The following ZAN variants were observed in gnomAD, a reference collection of about 807,000 sequenced individuals.
ZAN encodes zonadhesin.
Under a neutral mutation model 286.2 loss-of-function variants are expected in ZAN, and 260 were observed. That is an observed-to-expected ratio of 0.91 (90% confidence interval 0.82 to 1.01). The LOEUF is 1.01. ZAN is among the 50% of genes least tolerant of loss of function. The pLI is 0.00. For missense variants in ZAN, 3,410 were observed against 3,639.2 expected (o/e 0.94, Z 1.62); for synonymous variants, 1,368 against 1,417.5 (o/e 0.97, Z 0.79).
intron 17 of ZAN, 43 bp downstream of exon 17, chr7:100,758,693 T>C: frequency 1.9e-6 from 3 of 1,543,166 alleles, no homozygotes; most frequent in Middle Eastern, 1.7e-4. Context: ...GGAGGGTCTG[T>C]GGGCAGCGCT....
Position 100,795,275 on chromosome 7 carries a change from AG to A in ZAN, c.8206del (p.Val2736LeufsTer42), listed in dbSNP as rs779986999. 20 of 1,611,658 alleles carry A rather than the reference AG, an allele frequency of 1.2e-5. No homozygotes were observed. In the African/African-American group the frequency reaches 1.6e-4, roughly 13 times the overall value. ...QGATFTCECE[V>X]GYGGGLCMEP... The stretch of plus-strand genomic sequence containing the variant: ...GAGCCACCTTCACCTGCGAGTGTGA[AG>A]TTGGTTACGGGGGAGGCCTGTGTAT... On this transcript the variant is annotated frameshift_variant, in exon 45 of 48. Transcript: ENST00000613979. LOFTEE classifies it high-confidence loss of function.
In ZAN at chr7:100,775,411, C is replaced by A. The variant is rs1197584223; in HGVS notation, c.5863C>A (p.Leu1955Ile). The A allele has an allele frequency of 6.2e-7, 1 of 1,613,868 alleles. No individual in the cohort carries two copies. The highest frequency in any genetic ancestry group is 1.3e-5 in the African/African-American group (1 of 74,934). Residue 1955 changes from leucine (L) to isoleucine (I), a missense_variant, in exon 32 of 48, where the codon CTT becomes ATT. Physicochemically the swap from Leu to Ile is conservative, Grantham distance 5. Around this residue, in one of 7 missense-constraint regions of ZAN, gnomAD observed 1,289 missense variants for 1,314.3 expected, o/e 0.98. Transcript: ENST00000613979. ...CCATTCTATCCCGGACGCCTGCACT[C>A]TTGTCCTGGTGAAAGTGTGCCACCC... ...SNHSIPDACTLVLVKVCHPAM... is the reference protein window; with the variant it reads ...SNHSIPDACTIVLVKVCHPAM...
intron 29 of ZAN, among the ~76,000 whole-genome samples, chr7:100,772,657 C>T (rs1274019479): frequency 2.0e-5 from 3 of 151,110 alleles, no homozygotes; most frequent in African/African-American, 7.3e-5. Context: ...CCGTCTCTAC[C>T]AAAAATACAA....
intron 19 of ZAN, among the ~76,000 whole-genome samples, chr7:100,761,678 G>A (rs1486033915): frequency 6.6e-6 from 1 of 151,858 alleles, no homozygotes; most frequent in Non-Finnish European, 1.5e-5. Flanking sequence ...CAGGCACGGT[G>A]GCTGACACCT....
intron 15 of ZAN, among the ~76,000 whole-genome samples, chr7:100,757,307 C>T (rs1035162547): frequency 6.6e-6 from 1 of 152,016 alleles, no homozygotes; most frequent in Admixed American, 6.6e-5. Context: ...GTACTTTCTA[C>T]TCTGCTGGCA....
At chr7:100,784,871 A>T in intron 36 of ZAN, 37 bp downstream of exon 36, 1 of 1,534,124 alleles carries the variant, frequency 6.5e-7, no homozygotes, top group Non-Finnish European at 8.8e-7. Context: ...GAGGCAACAC[A>T]GCTTGAGGGC....
In ZAN at chr7:100,740,416, T is replaced by A. The variant is rs1235232878; in HGVS notation, c.766+1803T>A. 1.0e-4 allele frequency among the ~76,000 whole-genome samples: 9 copies of A among 86,108 alleles called. 1 individual carries two copies. The highest frequency in any genetic ancestry group is 1.9e-4 in the Non-Finnish European group (8 of 41,986). 56.5% of individuals were successfully genotyped at this position (86,108 alleles called of 152,430 possible). A position where few individuals can be genotyped will look rare whatever the true frequency, so the allele number is the denominator to read the frequency against. On this transcript the variant is annotated intron_variant, in intron 7 of 47. Coordinates refer to ENST00000613979, the MANE Select transcript of ZAN (RefSeq NM_003386.3). The stretch of plus-strand genomic sequence containing the variant: ...CAGCAGATAAACAAGTGAACAAAGG[T>A]CTCTGGTTTTCCTAGGCAGAGGACC...
At chr7:100,789,567 C>T (rs990891506) in intron 39 of ZAN, among the ~76,000 whole-genome samples, 3 of 152,032 alleles carry the variant, frequency 2.0e-5, no homozygotes, top group African/African-American at 4.8e-5. Context: ...CCCAGCGCTC[C>T]GGGAAGCTGA....
intron 14 of ZAN, 78 bp from the exon 15 acceptor site, chr7:100,755,148 T>G (rs1809049216): frequency 1.1e-5 from 17 of 1,481,368 alleles, no homozygotes; most frequent in Non-Finnish European, 1.5e-5. Flanking sequence ...AACTTGAGTT[T>G]GGGGGTAGAG....
intron 7 of ZAN, among the ~76,000 whole-genome samples, chr7:100,739,404 C>T (rs1807586543): frequency 7.2e-6 from 1 of 138,434 alleles, no homozygotes; most frequent in African/African-American, 2.6e-5. Flanking sequence ...AGAAAACAGA[C>T]AAGGAAGAGT....
chr7:100,793,292 TCACGCCAGCCTGGG>T (rs1481184245), intron 42 of ZAN, among the ~76,000 whole-genome samples: 2 of 147,168 alleles, frequency 1.4e-5, no homozygotes, highest in East Asian at 2.1e-4. Context: ...TGAGCCGTGA[TCACGCCAGCCTGGG>T]CACTCCAGCC....
At position 100,765,539 on chromosome 7, in the gene ZAN, A is replaced by T; in HGVS notation, c.4455A>T (p.Ala1485=). 1.9e-6 allele frequency: 3 copies of T among 1,605,964 alleles called. No homozygotes were observed. The highest frequency in any genetic ancestry group is 2.6e-6 in the Non-Finnish European group (3 of 1,176,440). The change falls in exon 23 of 48, where the codon GCA becomes GCT. Residue 1485 remains alanine (A), a synonymous_variant. Transcript: ENST00000613979. Reference sequence around the variant, plus strand: ...CCCAGTGTGGGTGCCTCCACCCTGCAGGCAGCTACTTCAAGGTGAGCGGCT... The same window carrying T: ...CCCAGTGTGGGTGCCTCCACCCTGCTGGCAGCTACTTCAAGGTGAGCGGCT... The part of the protein sequence containing the change: ...PRSQCGCLHP[A]GSYFKVGERW...
chr7:100,764,345 A>C, intron 22 of ZAN, 149 bp downstream of exon 22: 6 of 970,988 alleles, frequency 6.2e-6, no homozygotes, highest in Admixed American at 3.5e-5. Context: ...ACATACCAAA[A>C]TTAGCCAGGC....
rs774812984 is a variant in ZAN, at chr7:100,755,317, G to A, written c.3216G>A (p.Glu1072=). 3.7e-6 allele frequency: 6 copies of A among 1,613,876 alleles called. No homozygotes were observed. Among genetic ancestry groups the A allele is most frequent in the Non-Finnish European group, 4.2e-6 (5 of 1,179,850 alleles). Residue 1072 remains glutamate (E), a synonymous_variant, in exon 15 of 48, where the codon GAG becomes GAA. Transcript: ENST00000613979. ...CTAGCTGTGGGCCCCTCTGTCGGGA[G>A]GGCTGTGTCTGCAACCCTGGCTTTT... ...PRPSCGPLCR[E]GCVCNPGFLF...
chr7:100,786,460 G>A (rs764076516), intron 37 of ZAN, among the ~76,000 whole-genome samples: 21 of 152,168 alleles, frequency 1.4e-4, no homozygotes, highest in Non-Finnish European at 2.8e-4. Context: ...AGGCTGGAGT[G>A]CACTGGCACC....
Position 100,755,213 on chromosome 7 carries a change from GT to G in ZAN, c.3125-9del, listed in dbSNP as rs1809055203. 6.2e-7 allele frequency: 1 copy of G among 1,602,948 alleles called. No homozygotes were observed. The highest frequency in any genetic ancestry group is 1.3e-5 in the African/African-American group (1 of 74,674). On this transcript the variant is annotated splice_polypyrimidine_tract_variant and intron_variant, in intron 14 of 47. Transcript: ENST00000613979. The stretch of plus-strand genomic sequence containing the variant: ...ATGGAATGAAAGCATGACAGAGGCT[GT>G]TTTCCCCTTAGAGCGCTGCCCTCCA...
rs768558837 is a variant in ZAN, at chr7:100,759,723, C to T, written c.3574C>T (p.Pro1192Ser). Residue 1192 changes from proline to serine, a missense_variant and splice_region_variant, in exon 18 of 48, where the codon CCA becomes TCA. By Grantham distance (74) the Pro-to-Ser change is moderately conservative. Transcript: ENST00000613979. ...TCTTCATTCCTCTCCCTACCCAGAC[C>T]CATTCTTCAGGGTGACAGCCAAGAA... ...LAQPCGNSTD[P>S]FFRVTAKNEE... 5 of 1,585,082 alleles carry T rather than the reference C, an allele frequency of 3.2e-6. No homozygotes were observed. Among genetic ancestry groups the T allele is most frequent in the Middle Eastern group, 3.3e-4 (2 of 6,060 alleles).
At chr7:100,790,543 C>T (rs546668669) in intron 39 of ZAN, among the ~76,000 whole-genome samples, 39 of 136,724 alleles carry the variant, frequency 2.9e-4, no homozygotes, top group African/African-American at 8.0e-4. Flanking sequence ...GCCTGGGCAA[C>T]GGAGCGAGAC....
At chr7:100,744,223 T>G (rs1808017841) in intron 7 of ZAN, among the ~76,000 whole-genome samples, 1 of 151,064 alleles carries the variant, frequency 6.6e-6, no homozygotes, top group African/African-American at 2.4e-5. Flanking sequence ...TCCCCATCTT[T>G]TCCTCTCTCC....
Sources: gnomAD v4.1 joint callset for allele counts (sites outside exome capture counted in the v4.1 genomes callset) on GRCh38, gnomAD v4.1.1 for gene constraint, gnomAD v4.1.1 regional missense constraint, MANE v1.5 for transcripts, NCBI Gene and HGNC (gene_info 2026-07-23, HGNC 2026-07-21) for gene names.